The following BBS9 variants were observed in gnomAD, a reference collection of about 807,000 sequenced individuals.
BBS9 encodes protein PTHB1.
BBS9 carries 89 observed loss-of-function variants against 117.7 expected under a neutral mutation model. That is an observed-to-expected ratio of 0.76 (90% CI 0.64 to 0.90). BBS9 has a LOEUF of 0.90. Ranked by LOEUF, BBS9 falls within the 40% of genes least tolerant of loss-of-function variation. The pLI is 0.00. For missense variants in BBS9, 982 were observed against 1,042.2 expected, an observed-to-expected ratio of 0.94 and a Z score of 0.80; for synonymous variants, 379 against 370.9, an observed-to-expected ratio of 1.02 and a Z score of -0.25.
chr7:33,380,256 A>C (rs1226620095), intron 17 of BBS9: 2 of 177,530 alleles, frequency 1.1e-5, no homozygotes, highest in African/African-American at 4.8e-5. Context: ...AGCCTCTCCC[A>C]ACTACAAGCT....
At chr7:33,492,216 AAAAAAAAAC>A (rs1563251570) in intron 19 of BBS9, among the ~76,000 whole-genome samples, 1 of 146,120 alleles carries the variant, frequency 6.8e-6, no homozygotes, top group Non-Finnish European at 1.5e-5. Context: ...AAAAAAAACA[AAAAAAAAAC>A]AAAAAAAAAA....
intron 1 of BBS9, among the ~76,000 whole-genome samples, chr7:33,143,714 C>A (rs1011694231): frequency 5.9e-5 from 9 of 151,668 alleles, no homozygotes; most frequent in African/African-American, 2.2e-4. Flanking sequence ...TACAGGTGCC[C>A]ACTACCATGC....
rs565921002 is a variant in BBS9, at chr7:33,481,199, A to C, written c.2116-24264A>C. Among the ~76,000 whole-genome samples, 48 of 152,322 alleles carry C rather than the reference A, an allele frequency of 3.2e-4. No individual in the cohort carries two copies. The South Asian group carries it at 9.9e-3, about 32-fold the overall frequency. Reference sequence around the variant, plus strand: ...GAAGGACTTATTGGCAGAAGGAAAAATACAAGTTAATGTATGGTAGTGGGA... The same window carrying C: ...GAAGGACTTATTGGCAGAAGGAAAACTACAAGTTAATGTATGGTAGTGGGA... On this transcript the variant is annotated intron_variant, in intron 19 of 22. Coordinates refer to ENST00000242067, the MANE Select transcript of BBS9 (RefSeq NM_198428.3).
intron 20 of BBS9, among the ~76,000 whole-genome samples, chr7:33,511,484 C>A (rs1846956309): frequency 6.6e-6 from 1 of 152,100 alleles, no homozygotes; most frequent in African/African-American, 2.4e-5. Context: ...CATTGTATAG[C>A]ATTATGCCTG....
intron 19 of BBS9, among the ~76,000 whole-genome samples, chr7:33,411,009 G>GTTT (rs1491287081): frequency 3.3e-5 from 3 of 91,598 alleles, no homozygotes; most frequent in Non-Finnish European, 4.6e-5. Context: ...TAAAATGTTG[G>GTTT]TGTTTTTTTT....
chr7:33,526,661 CAA>C (rs1353711102), intron 20 of BBS9, among the ~76,000 whole-genome samples: 1 of 145,138 alleles, frequency 6.9e-6, no homozygotes, highest in Admixed American at 6.9e-5. Context: ...TAATTTTTTT[CAA>C]AGTTTTCAAC....
intron 1 of BBS9, among the ~76,000 whole-genome samples, chr7:33,130,799 A>G (rs569657948): frequency 5.9e-5 from 9 of 152,278 alleles, no homozygotes; most frequent in South Asian, 4.1e-4. Context: ...TATTTTGAAA[A>G]TAAGTTACAA....
intron 9 of BBS9, among the ~76,000 whole-genome samples, chr7:33,334,399 C>G (rs6976753): frequency 0.16 from 24,603 of 152,070 alleles, 1,998 homozygotes; most frequent in East Asian, 0.29. Context: ...AGAAGCCCCC[C>G]CCAGAGGTCT....
chr7:33,231,967 C>G (rs1792543303), intron 5 of BBS9, among the ~76,000 whole-genome samples: 1 of 152,096 alleles, frequency 6.6e-6, no homozygotes, highest in Admixed American at 6.6e-5. Context: ...GTGACAACCA[C>G]TGGGGGACAA....
chr7:33,495,532 A>G (rs1844588358), intron 19 of BBS9, among the ~76,000 whole-genome samples: 1 of 152,212 alleles, frequency 6.6e-6, no homozygotes, highest in African/African-American at 2.4e-5. Context: ...GAGCTCTGAC[A>G]TTGCCAACCA....
At chr7:33,434,433 T>G (rs186832176) in intron 19 of BBS9, among the ~76,000 whole-genome samples, 1 of 152,256 alleles carries the variant, frequency 6.6e-6, no homozygotes, top group East Asian at 1.9e-4. Flanking sequence ...ATAGATAGCC[T>G]TCTAGTGCTA....
At chr7:33,383,340 CTTTTT>C (rs1041774825) in intron 17 of BBS9, among the ~76,000 whole-genome samples, 10 of 152,080 alleles carry the variant, frequency 6.6e-5, no homozygotes, top group Non-Finnish European at 1.0e-4. Context: ...TGGCTCTTTT[CTTTTT>C]AAGTACAGGC....
In BBS9 at chr7:33,437,751, C is replaced by T. The variant is rs371721849; in HGVS notation, c.2115+49607C>T. 1.3e-3 allele frequency among the ~76,000 whole-genome samples: 199 copies of T among 152,182 alleles called. 1 individual carries two copies. Among genetic ancestry groups the T allele is most frequent in the African/African-American group, 4.4e-3 (182 of 41,514 alleles). ...ATTAGCCGGACACTGTGTTGCATACCTGTAATCCCAGCTACTCAAGAGGCC... is the reference window on the plus strand; with the variant it reads ...ATTAGCCGGACACTGTGTTGCATACTTGTAATCCCAGCTACTCAAGAGGCC... On this transcript the variant is annotated intron_variant, in intron 19 of 22. Transcript: ENST00000242067.
At chr7:33,242,923 G>T (rs1397835128) in intron 5 of BBS9, 1 of 518,486 alleles carries the variant, frequency 1.9e-6, no homozygotes, top group East Asian at 5.4e-5. Flanking sequence ...TTGAGTTCTG[G>T]CCCTGCTACT....
At chr7:33,417,974 C>T (rs573087002) in intron 19 of BBS9, among the ~76,000 whole-genome samples, 1 of 152,274 alleles carries the variant, frequency 6.6e-6, no homozygotes, top group South Asian at 2.1e-4. Context: ...AGTGTGCAGC[C>T]ACTAGGTCCT....
intron 20 of BBS9, among the ~76,000 whole-genome samples, chr7:33,513,578 G>T (rs1471622042): frequency 6.6e-6 from 1 of 152,054 alleles, no homozygotes; most frequent in Non-Finnish European, 1.5e-5. Flanking sequence ...TACTACCTCT[G>T]TTTCCACACC....
intron 20 of BBS9, among the ~76,000 whole-genome samples, chr7:33,508,663 A>G (rs933792572): frequency 4.6e-5 from 7 of 152,202 alleles, no homozygotes; most frequent in Admixed American, 4.6e-4. Flanking sequence ...CAGAGGTAAA[A>G]TTATTAAAAA....
intron 21 of BBS9, among the ~76,000 whole-genome samples, chr7:33,628,051 G>A (rs956559953): frequency 3.3e-5 from 5 of 152,092 alleles, no homozygotes; most frequent in East Asian, 1.9e-4. Flanking sequence ...ATTTAAAAAC[G>A]TCTCAGATGG....
chr7:33,540,484 C>T (rs1193653239), intron 21 of BBS9, among the ~76,000 whole-genome samples: 1 of 152,122 alleles, frequency 6.6e-6, no homozygotes, highest in Admixed American at 6.5e-5. Context: ...TGATAACTAT[C>T]CCTGCGTGTT....
Sources: gnomAD v4.1 joint callset for allele counts (sites outside exome capture counted in the v4.1 genomes callset) on GRCh38, gnomAD v4.1.1 for gene constraint, MANE v1.5 for transcripts, NCBI Gene and HGNC (gene_info 2026-07-23, HGNC 2026-07-21) for gene names.